The following GABRB3 variants were observed in gnomAD, a reference collection of about 807,000 sequenced individuals.
GABRB3 encodes gamma-aminobutyric acid receptor subunit beta-3.
In GABRB3, 14 loss-of-function variants were observed where a neutral mutation model predicts 52.1. The ratio of observed to expected loss-of-function variants is 0.27; its 90% CI spans 0.18 to 0.42. GABRB3 has a LOEUF of 0.42. GABRB3 is among the 10% of genes least tolerant of loss of function. The pLI is 1.00. For synonymous variants in GABRB3, 260 were observed against 232.3 expected (o/e 1.12, Z -1.08); for missense variants, 307 against 609.1 (o/e 0.50, Z 5.22).
intron 4 of GABRB3, among the ~76,000 whole-genome samples, chr15:26,602,378 T>A (rs1016024548): frequency 6.6e-6 from 1 of 152,092 alleles, no homozygotes; most frequent in East Asian, 1.9e-4. Flanking sequence ...CAAAGAAACA[T>A]AAGACTTAAT....
chr15:26,641,739 A>T (rs781410174), intron 3 of GABRB3, among the ~76,000 whole-genome samples: 36 of 152,114 alleles, frequency 2.4e-4, no homozygotes, highest in Non-Finnish European at 4.1e-4. Context: ...GTGATGGAGG[A>T]CAGCTGACAG....
chr15:26,651,491 G>A (rs1003479654), intron 3 of GABRB3, among the ~76,000 whole-genome samples: 3 of 152,228 alleles, frequency 2.0e-5, no homozygotes, highest in Non-Finnish European at 4.4e-5. Flanking sequence ...AAAATCAGGT[G>A]TAAATATCCC....
intron 3 of GABRB3, among the ~76,000 whole-genome samples, chr15:26,733,066 G>A (rs1324049425): frequency 2.0e-5 from 3 of 151,762 alleles, no homozygotes; most frequent in Non-Finnish European, 2.9e-5. Context: ...CTGAAAAACT[G>A]AATTTTTCTT....
chr15:26,764,100 A>G (rs1338555304), intron 3 of GABRB3, among the ~76,000 whole-genome samples: 3 of 144,348 alleles, frequency 2.1e-5, no homozygotes, highest in East Asian at 2.1e-4. Flanking sequence ...CAGTGAGCTG[A>G]GATCGCACCA....
intron 3 of GABRB3, among the ~76,000 whole-genome samples, chr15:26,716,233 C>T (rs553849742): frequency 6.6e-6 from 1 of 152,164 alleles, no homozygotes; most frequent in Non-Finnish European, 1.5e-5. Flanking sequence ...TGCTGATCCT[C>T]TTCCCACTGA....
At position 26,583,311 on chromosome 15, in the gene GABRB3, AAC is replaced by A; in HGVS notation, c.544+19_544+20del. 1.3e-6 allele frequency: 2 copies of A among 1,589,932 alleles called. No homozygotes were observed. The highest frequency in any genetic ancestry group is 2.2e-5 in the South Asian group (2 of 90,590). ...AAAAGTACAAATAGGAGGAGAAAGA[AAC>A]ACAGATACGGATACACACAGCTTTC... is the stretch of plus-strand genomic sequence containing the variant. On this transcript the variant is annotated intron_variant, in intron 5 of 8. Transcript: ENST00000311550.
Position 26,654,902 on chromosome 15 carries a change from G to A in GABRB3, c.241-33368C>T, listed in dbSNP as rs150185942. Among the ~76,000 whole-genome samples the A allele has an allele frequency of 3.4e-3, 514 of 152,062 alleles. 2 individuals carry two copies. Among genetic ancestry groups the A allele is most frequent in the Non-Finnish European group, 4.0e-3 (271 of 67,994 alleles). ...TGCTGGAGTACAACAGCACGATCAC[G>A]GCTCACTGCAGCCTTGATTTCCTGG... is the stretch of plus-strand genomic sequence containing the variant. On this transcript the variant is annotated intron_variant, in intron 3 of 8. Transcript: ENST00000311550.
chr15:26,590,778 T>C (rs1891170743), intron 4 of GABRB3, among the ~76,000 whole-genome samples: 1 of 152,212 alleles, frequency 6.6e-6, no homozygotes, highest in Non-Finnish European at 1.5e-5. Context: ...AGCCAATTCC[T>C]TTCCTCTTTC....
chr15:26,737,197 T>C (rs1278734227), intron 3 of GABRB3, among the ~76,000 whole-genome samples: 3 of 152,184 alleles, frequency 2.0e-5, no homozygotes, highest in African/African-American at 7.2e-5. Context: ...GTGATTCTGG[T>C]GCATGCTTCA....
At chr15:26,731,872 T>C (rs1410087781) in intron 3 of GABRB3, among the ~76,000 whole-genome samples, 2 of 132,474 alleles carry the variant, frequency 1.5e-5, no homozygotes, top group African/African-American at 5.6e-5. Flanking sequence ...AAAATGAAGA[T>C]TTAATGATAT....
chr15:26,693,669 T>C (rs1017852207), intron 3 of GABRB3, among the ~76,000 whole-genome samples: 1 of 152,022 alleles, frequency 6.6e-6, no homozygotes, highest in Non-Finnish European at 1.5e-5. Context: ...ACTGAATCCA[T>C]AGGACAAAGC....
chr15:26,724,335 C>T (rs960532941), intron 3 of GABRB3, among the ~76,000 whole-genome samples: 5 of 152,114 alleles, frequency 3.3e-5, no homozygotes, highest in African/African-American at 1.2e-4. Flanking sequence ...CAAGAATTCC[C>T]TAGGGAAATT....
At chr15:26,625,268 G>C (rs920579007) in intron 3 of GABRB3, among the ~76,000 whole-genome samples, 2 of 152,032 alleles carry the variant, frequency 1.3e-5, no homozygotes, top group African/African-American at 2.4e-5. Flanking sequence ...GTCATGCAGG[G>C]GGGTTCTTCA....
intron 3 of GABRB3, among the ~76,000 whole-genome samples, chr15:26,680,744 G>A (rs935209894): frequency 3.9e-5 from 6 of 152,100 alleles, no homozygotes; most frequent in African/African-American, 1.4e-4. Context: ...CAATAAGTAG[G>A]CATGATTATT....
chr15:26,604,361 A>C (rs957372507), intron 4 of GABRB3, among the ~76,000 whole-genome samples: 1 of 152,206 alleles, frequency 6.6e-6, no homozygotes. Flanking sequence ...CTACAGATTC[A>C]ATGTAATCTC....
At chr15:26,745,526 A>G (rs545586249) in intron 3 of GABRB3, among the ~76,000 whole-genome samples, 1 of 152,140 alleles carries the variant, frequency 6.6e-6, no homozygotes, top group Admixed American at 6.5e-5. Flanking sequence ...GGTCTATGCA[A>G]TTTTATCATA....
At chr15:26,737,111 G>A (rs1312924994) in intron 3 of GABRB3, among the ~76,000 whole-genome samples, 3 of 152,204 alleles carry the variant, frequency 2.0e-5, no homozygotes, top group African/African-American at 4.8e-5. Flanking sequence ...CAGAGAACAC[G>A]GCTGAGGCCA....
chr15:26,729,338 A>G (rs1036249567), intron 3 of GABRB3, among the ~76,000 whole-genome samples: 4 of 152,022 alleles, frequency 2.6e-5, no homozygotes, highest in Non-Finnish European at 4.4e-5. Flanking sequence ...ATCCCTCCCC[A>G]GAAGCTGTCC....
intron 3 of GABRB3, among the ~76,000 whole-genome samples, chr15:26,651,786 C>G (rs1232111547): frequency 2.6e-4 from 39 of 152,180 alleles, no homozygotes; most frequent in Non-Finnish European, 8.8e-5. Context: ...CATCACATGG[C>G]AGACAGGAGG....
Sources: gnomAD v4.1 joint callset for allele counts (sites outside exome capture counted in the v4.1 genomes callset) on GRCh38, gnomAD v4.1.1 for gene constraint, MANE v1.5 for transcripts, NCBI Gene and HGNC (gene_info 2026-07-23, HGNC 2026-07-21) for gene names.